MAMLD1: variants seen among roughly 807,000 people sequenced by gnomAD.
MAMLD1 encodes the protein mastermind-like domain-containing protein 1.
A neutral mutation model predicts 45.0 loss-of-function variants in MAMLD1; 14 were observed. That is an observed-to-expected ratio of 0.31 (90% CI 0.21 to 0.49). The LOEUF is 0.49. Ranked by LOEUF, MAMLD1 falls within the 20% of genes least tolerant of loss-of-function variation. The pLI is 0.99. For missense variants in MAMLD1, 543 were observed against 603.6 expected, an observed-to-expected ratio of 0.90 and a Z score of 1.05; for synonymous variants, 254 against 247.8, an observed-to-expected ratio of 1.02 and a Z score of -0.24.
At chrX:150,443,822 A>G (rs1379501636) in intron 1 of MAMLD1, among the ~76,000 whole-genome samples, 1 of 111,124 alleles carries the variant, frequency 9.0e-6, no homozygotes, top group Non-Finnish European at 1.9e-5. Context: ...TGGTTGAAGC[A>G]CTTTAATGAT....
At chrX:150,438,134 A>C (rs2035181013) in intron 1 of MAMLD1, among the ~76,000 whole-genome samples, 1 of 112,125 alleles carries the variant, frequency 8.9e-6, no homozygotes, top group Non-Finnish European at 1.9e-5. Context: ...TACTATTATG[A>C]ATAGTGCTAC....
At chrX:150,403,622 A>G (rs1209387575) in intron 1 of MAMLD1, among the ~76,000 whole-genome samples, 1 of 110,207 alleles carries the variant, frequency 9.1e-6, no homozygotes, top group Non-Finnish European at 1.9e-5. Flanking sequence ...GTGAGCCAAC[A>G]TTAACTCCCA....
intron 1 of MAMLD1, among the ~76,000 whole-genome samples, chrX:150,432,693 G>C (rs1047372396): frequency 1.6e-4 from 18 of 111,563 alleles, no homozygotes; most frequent in African/African-American, 5.2e-4. Flanking sequence ...TTCATTACTT[G>C]TTGTCAACTT....
chrX:150,464,276 G>A (rs963483185), intron 3 of MAMLD1, among the ~76,000 whole-genome samples: 14 of 111,593 alleles, frequency 1.3e-4, no homozygotes, highest in African/African-American at 3.9e-4. Flanking sequence ...ATAAATCCCC[G>A]ATTTGTAGGT....
At chrX:150,506,521 C>A (rs1356608787) in intron 6 of MAMLD1, among the ~76,000 whole-genome samples, 1 of 111,695 alleles carries the variant, frequency 9.0e-6, no homozygotes, top group African/African-American at 3.3e-5. Context: ...TGCTCTCCTC[C>A]AAGGGCTCAT....
At chrX:150,506,404 T>C (rs1408455160) in intron 6 of MAMLD1, among the ~76,000 whole-genome samples, 1 of 102,480 alleles carries the variant, frequency 9.8e-6, no homozygotes, top group Admixed American at 1.1e-4. Flanking sequence ...TCCCCTTCCC[T>C]CCCTTCCTTC....
intron 1 of MAMLD1, among the ~76,000 whole-genome samples, chrX:150,369,844 G>A (rs1193113393): frequency 7.9e-5 from 6 of 75,980 alleles, no homozygotes; most frequent in Non-Finnish European, 1.5e-4. Flanking sequence ...TCCTAATCCA[G>A]CTGTTTTTTT....
intron 1 of MAMLD1, among the ~76,000 whole-genome samples, chrX:150,412,392 A>G: frequency 9.0e-6 from 1 of 110,562 alleles, no homozygotes; most frequent in Middle Eastern, 4.6e-3. Context: ...CTCCCTGCAA[A>G]TCTACCTCTT....
At chrX:150,458,334 C>T (rs782343408) in intron 2 of MAMLD1, among the ~76,000 whole-genome samples, 1 of 111,594 alleles carries the variant, frequency 9.0e-6, no homozygotes, top group Admixed American at 9.5e-5. Flanking sequence ...CTCCCACCTA[C>T]ATAGCAGTTG....
intron 5 of MAMLD1, among the ~76,000 whole-genome samples, chrX:150,474,842 G>A (rs2036536930): frequency 8.9e-6 from 1 of 111,837 alleles, no homozygotes. Context: ...CTCCAAGCTG[G>A]GGGAATCTCA....
chrX:150,371,014 A>G (rs919789899), intron 1 of MAMLD1, among the ~76,000 whole-genome samples: 1 of 110,800 alleles, frequency 9.0e-6, no homozygotes, highest in African/African-American at 3.3e-5. Context: ...CCAGCTTCAG[A>G]CTACTCCCTC....
At position 150,470,078 on chromosome X, in the gene MAMLD1, G is replaced by T. The variant is rs781882571; in HGVS notation, c.505G>T (p.Val169Leu). Residue 169 changes from valine (V) to leucine (L), a missense_variant, in exon 4 of 8, where the codon GTG (valine) becomes TTG (leucine). Coordinates refer to ENST00000370401, the MANE Select transcript of MAMLD1 (RefSeq NM_005491.5). ...TVPYYEKINS[V>L]PAVDQELQEL... ...TCCTTACTATGAGAAAATCAACAGC[G>T]TGCCGGCTGTAGACCAGGAGCTTCA... 1.7e-6 allele frequency: 2 copies of T among 1,211,556 alleles called. No individual in the cohort carries two copies. The highest frequency in any genetic ancestry group is 3.0e-5 in the East Asian group (1 of 33,810).
intron 1 of MAMLD1, among the ~76,000 whole-genome samples, chrX:150,441,658 T>G (rs1557404553): frequency 5.4e-5 from 6 of 111,955 alleles, no homozygotes; most frequent in Non-Finnish European, 1.1e-4. Context: ...ACATCATTTA[T>G]TATTTGAATT....
At chrX:150,378,126 G>A (rs1557401521) in intron 1 of MAMLD1, among the ~76,000 whole-genome samples, 1 of 111,953 alleles carries the variant, frequency 8.9e-6, no homozygotes, top group East Asian at 2.8e-4. Context: ...TGTCTCTTTA[G>A]TGTCCTTTAA....
At position 150,503,140 on chromosome X, in the gene MAMLD1, C is replaced by T. The variant is rs1473097510; in HGVS notation, c.2041-134C>T. On this transcript the variant is annotated intron_variant, in intron 5 of 7. Transcript: ENST00000370401. ...CTAAGATCACAAAGCTGTTTGGTTT[C>T]GTTCCACCAAAGCAGTTGGTGGGTA... The T allele has an allele frequency of 1.2e-5, 7 of 584,326 alleles. No homozygotes were observed. In the East Asian group the frequency reaches 2.3e-4, roughly 19 times the overall value. 48.2% of individuals were successfully genotyped at this position (584,326 alleles called of 1,213,427 possible). A position where few individuals can be genotyped will look rare whatever the true frequency, so the allele number is the denominator to read the frequency against.
At chrX:150,399,523 G>A (rs782039797) in intron 1 of MAMLD1, among the ~76,000 whole-genome samples, 1 of 111,893 alleles carries the variant, frequency 8.9e-6, no homozygotes, top group Non-Finnish European at 1.9e-5. Context: ...GGCCATTAGG[G>A]TAAACCTTAA....
intron 1 of MAMLD1, among the ~76,000 whole-genome samples, chrX:150,374,123 T>TTGCC (rs2032183446): frequency 8.9e-6 from 1 of 112,673 alleles, no homozygotes; most frequent in Non-Finnish European, 1.9e-5. Flanking sequence ...ACAGACTTCT[T>TTGCC]TGTGAATCTG....
intron 5 of MAMLD1, among the ~76,000 whole-genome samples, chrX:150,501,443 TG>T (rs782301340): frequency 8.9e-5 from 10 of 112,417 alleles, no homozygotes; most frequent in African/African-American, 3.2e-4. Flanking sequence ...AACTGGAGCT[TG>T]ATAACATGAA....
rs2032703093 is a variant in MAMLD1, at chrX:150,382,888, T to TA, written c.-64+19358_-64+19359insA. Among the ~76,000 whole-genome samples, 32 of 19,211 alleles carry TA rather than the reference T, an allele frequency of 1.7e-3. 8 individuals carry two copies. The African/African-American group carries it at 0.018, about 11-fold the overall frequency. The allele number at this position is 19,211 out of a possible 115,157, so 16.7% of individuals were successfully genotyped here. A position where few individuals can be genotyped will look rare whatever the true frequency, so the allele number is the denominator to read the frequency against. On this transcript the variant is annotated intron_variant, in intron 1 of 7. Coordinates refer to ENST00000370401, the MANE Select transcript of MAMLD1 (RefSeq NM_005491.5). ...ATATTTTGTCCCATTTTATTTTATTTTTTTTTTTTTTTATTTTTTATTTTT... is the reference window on the plus strand; with the variant it reads ...ATATTTTGTCCCATTTTATTTTATTTATTTTTTTTTTTTATTTTTTATTTTT...
Sources: allele counts gnomAD v4.1 joint callset (sites outside exome capture counted in the v4.1 genomes callset), GRCh38; gene constraint gnomAD v4.1.1; transcripts MANE v1.5; gene names NCBI Gene and HGNC (gene_info 2026-07-23, HGNC 2026-07-21).